The following SIPA1L1 variants were observed in gnomAD, a reference collection of about 807,000 sequenced individuals.
The protein encoded by SIPA1L1 is signal-induced proliferation-associated 1-like protein 1.
SIPA1L1 carries 26 observed loss-of-function variants against 162.7 expected under a neutral mutation model. The ratio of observed to expected loss-of-function variants is 0.16; its 90% confidence interval spans 0.12 to 0.22. The LOEUF is 0.22. Ranked by LOEUF, SIPA1L1 falls within the 10% of genes least tolerant of loss-of-function variation. The pLI is 1.00. For synonymous variants in SIPA1L1, 829 were observed against 837.4 expected, an observed-to-expected ratio of 0.99 and a Z score of 0.17; for missense variants, 1,874 against 2,241.0, an observed-to-expected ratio of 0.84 and a Z score of 3.31.
intron 4 of SIPA1L1, among the ~76,000 whole-genome samples, chr14:71,587,181 C>G (rs1485641654): frequency 6.6e-6 from 1 of 152,080 alleles, no homozygotes; most frequent in Admixed American, 6.5e-5. Context: ...ATCTTATTCA[C>G]TTGGTTACAT....
At chr14:71,344,649 TC>T (rs1413124244) in intron 2 of SIPA1L1, among the ~76,000 whole-genome samples, 1 of 152,208 alleles carries the variant, frequency 6.6e-6, no homozygotes, top group Non-Finnish European at 1.5e-5. Context: ...AACCGCTGCC[TC>T]CTGGGCTCAA....
chr14:71,666,110 T>G (rs1015602345), intron 10 of SIPA1L1, among the ~76,000 whole-genome samples: 8 of 152,164 alleles, frequency 5.3e-5, no homozygotes, highest in African/African-American at 1.9e-4. Flanking sequence ...ATGCAAATAC[T>G]ATAAAAAGAG....
At chr14:71,356,567 C>CAAAAAAAAGAAAAAAAAAA (rs2037268734) in intron 2 of SIPA1L1, among the ~76,000 whole-genome samples, 1 of 39,172 alleles carries the variant, frequency 2.6e-5, no homozygotes, top group Non-Finnish European at 4.3e-5. Flanking sequence ...CTTGTCTCTA[C>CAAAAAAAAGAAAAAAAAAA]AAAAAAAAAA....
chr14:71,452,670 C>T (rs1490189190), intron 2 of SIPA1L1, among the ~76,000 whole-genome samples: 1 of 152,112 alleles, frequency 6.6e-6, no homozygotes, highest in Non-Finnish European at 1.5e-5. Context: ...GTGAGAGTTC[C>T]AGTGGCTCCA....
chr14:71,699,773 GAGA>G (rs1228260338), intron 14 of SIPA1L1, among the ~76,000 whole-genome samples: 1 of 152,232 alleles, frequency 6.6e-6, no homozygotes, highest in Non-Finnish European at 1.5e-5. Flanking sequence ...GAAAGTTATA[GAGA>G]AGAAGGGTCC....
At chr14:71,562,469 A>G (rs998485794) in intron 4 of SIPA1L1, among the ~76,000 whole-genome samples, 4 of 152,184 alleles carry the variant, frequency 2.6e-5, no homozygotes, top group African/African-American at 7.2e-5. Flanking sequence ...ATTTACTAAT[A>G]TTGCCTAAAA....
intron 2 of SIPA1L1, among the ~76,000 whole-genome samples, chr14:71,451,821 A>G (rs954364013): frequency 4.6e-5 from 7 of 152,100 alleles, no homozygotes; most frequent in African/African-American, 1.4e-4. Context: ...TACGCAATTC[A>G]AAACAACATG....
chr14:71,604,999 ACCTTCT>A, intron 5 of SIPA1L1, among the ~76,000 whole-genome samples: 2 of 151,776 alleles, frequency 1.3e-5, no homozygotes, highest in Non-Finnish European at 2.9e-5. Context: ...TTTTCTTTTC[ACCTTCT>A]GGGACTCTGA....
chr14:71,692,166 T>C (rs1474246416), intron 13 of SIPA1L1, among the ~76,000 whole-genome samples: 1 of 152,222 alleles, frequency 6.6e-6, no homozygotes, highest in African/African-American at 2.4e-5. Context: ...TTAATCTATC[T>C]TGGAGAAAAT....
chr14:71,453,621 A>G (rs1419108801), intron 2 of SIPA1L1, among the ~76,000 whole-genome samples: 1 of 152,228 alleles, frequency 6.6e-6, no homozygotes, highest in Non-Finnish European at 1.5e-5. Flanking sequence ...ACTGGAGTAT[A>G]GTTCTTAGTT....
rs768408376 is a variant in SIPA1L1, at chr14:71,734,415, C to T, written c.5008+603C>T. ...GTGTGTGTTGACATAAGATTGTCAG[C>T]TGGGGTTTTTGTTTTTTGAATGAAG... On this transcript the variant is annotated intron_variant, in intron 21 of 23. Coordinates refer to ENST00000381232, the MANE Select transcript of SIPA1L1 (RefSeq NM_001386936.1). 3.1e-4 allele frequency among the ~76,000 whole-genome samples: 47 copies of T among 152,142 alleles called. 2 individuals are homozygous for T. Among genetic ancestry groups the T allele is most frequent in the Non-Finnish European group, 6.5e-4 (44 of 68,018 alleles).
chr14:71,525,937 G>A (rs918572602), intron 3 of SIPA1L1, among the ~76,000 whole-genome samples: 3 of 152,108 alleles, frequency 2.0e-5, no homozygotes, highest in Non-Finnish European at 2.9e-5. Flanking sequence ...TCTGTATTGC[G>A]TTTACCTCCT....
In SIPA1L1 at chr14:71,435,252, C is replaced by T. The variant is rs577561731; in HGVS notation, c.-464-77491C>T. On this transcript the variant is annotated intron_variant, in intron 2 of 23. Coordinates refer to ENST00000381232, the MANE Select transcript of SIPA1L1 (RefSeq NM_001386936.1). ...CAGGTTTGTTACATATATATACATG[C>T]GCCATGTTGGTGTGCTGCACCCATT... Among the ~76,000 whole-genome samples the T allele has an allele frequency of 5.3e-5, 8 of 151,900 alleles. No homozygotes were observed. The South Asian group carries it at 6.2e-4, about 12-fold the overall frequency.
intron 2 of SIPA1L1, among the ~76,000 whole-genome samples, chr14:71,454,561 T>A (rs1364976151): frequency 6.6e-6 from 1 of 152,242 alleles, no homozygotes; most frequent in African/African-American, 2.4e-5. Context: ...GTGATTTTTT[T>A]AATTGAAGGC....
intron 13 of SIPA1L1, among the ~76,000 whole-genome samples, chr14:71,689,929 A>G (rs765972161): frequency 1.1e-4 from 16 of 152,198 alleles, no homozygotes; most frequent in Non-Finnish European, 1.9e-4. Context: ...CAGAGAGCAT[A>G]ATAGTCACGT....
chr14:71,597,779 G>T (rs561782042), intron 5 of SIPA1L1, among the ~76,000 whole-genome samples: 1 of 152,208 alleles, frequency 6.6e-6, no homozygotes, highest in East Asian at 1.9e-4. Flanking sequence ...TGTCCTCCAG[G>T]GTTATGCAAC....
At chr14:71,729,026 T>C (rs1355075972) in intron 19 of SIPA1L1, among the ~76,000 whole-genome samples, 1 of 152,222 alleles carries the variant, frequency 6.6e-6, no homozygotes, top group Non-Finnish European at 1.5e-5. Flanking sequence ...TTTAGAAAGC[T>C]GACTTCCCTA....
At chr14:71,678,295 A>G (rs1312563595) in intron 12 of SIPA1L1, among the ~76,000 whole-genome samples, 1 of 152,156 alleles carries the variant, frequency 6.6e-6, no homozygotes. Context: ...AATAGCTCTT[A>G]TTATTTTGAG....
intron 15 of SIPA1L1, chr14:71,704,673 ATTGTTTTAAGTAAACTAG>A: frequency 6.9e-7 from 1 of 1,442,916 alleles, no homozygotes; most frequent in Non-Finnish European, 9.8e-7. Context: ...AAAGGAAGCA[ATTGTTTTAAGTAAACTAG>A]TTGCTGTGTG....
Sources: allele counts gnomAD v4.1 joint callset (sites outside exome capture counted in the v4.1 genomes callset), GRCh38; gene constraint gnomAD v4.1.1; transcripts MANE v1.5; gene names NCBI Gene and HGNC (gene_info 2026-07-23, HGNC 2026-07-21).